Variants in PPA1 observed in about 807,000 individuals in gnomAD.
The protein encoded by PPA1 is inorganic pyrophosphatase.
In PPA1, 23 loss-of-function variants were observed where a neutral mutation model predicts 41.8. The observed-to-expected ratio is 0.55, with a 90% CI of 0.40 to 0.78. The LOEUF (loss-of-function observed/expected upper bound fraction) is 0.78. Among genes scored for constraint, PPA1 ranks in the 30% least tolerant of loss-of-function variants. PPA1 has a pLI of 0.00. For synonymous variants in PPA1, 101 were observed against 116.8 expected, an observed-to-expected ratio of 0.86 and a Z score of 0.87; for missense variants, 320 against 361.6, an observed-to-expected ratio of 0.89 and a Z score of 0.93.
intron 6 of PPA1, among the ~76,000 whole-genome samples, chr10:70,211,740 T>C (rs1840022358): frequency 1.3e-5 from 2 of 151,652 alleles, no homozygotes; most frequent in African/African-American, 4.9e-5. Context: ...GCTGACAGAG[T>C]GATGGGCTTG....
intron 1 of PPA1, among the ~76,000 whole-genome samples, chr10:70,232,081 G>A (rs553515516): frequency 2.6e-5 from 4 of 152,158 alleles, no homozygotes; most frequent in Non-Finnish European, 4.4e-5. Context: ...AATGGAGAGT[G>A]GGGGGTAGTT....
At chr10:70,206,795 G>T (rs1839945207) in intron 8 of PPA1, among the ~76,000 whole-genome samples, 1 of 147,408 alleles carries the variant, frequency 6.8e-6, no homozygotes, top group African/African-American at 2.5e-5. Context: ...AGTCAGCTGA[G>T]ATCGCGCCAC....
At chr10:70,210,920 C>T (rs1006737096) in intron 6 of PPA1, among the ~76,000 whole-genome samples, 2 of 152,084 alleles carry the variant, frequency 1.3e-5, no homozygotes, top group Non-Finnish European at 2.9e-5. Context: ...TGCCCACCAC[C>T]ATGCCTGGCT....
intron 8 of PPA1, among the ~76,000 whole-genome samples, chr10:70,208,019 G>A (rs994492044): frequency 7.2e-5 from 11 of 152,032 alleles, no homozygotes; most frequent in Admixed American, 1.3e-4. Flanking sequence ...GCAAAACCCC[G>A]TCTCTACTAA....
intron 3 of PPA1, 166 bp downstream of exon 3, chr10:70,218,596 GGA>G (rs1840103395): frequency 8.5e-6 from 5 of 585,688 alleles, no homozygotes; most frequent in Non-Finnish European, 1.5e-5. Context: ...GAGTTTAGCT[GGA>G]GCCCAAAGGG....
At chr10:70,215,714 C>A (rs1840072402) in intron 4 of PPA1, among the ~76,000 whole-genome samples, 1 of 152,242 alleles carries the variant, frequency 6.6e-6, no homozygotes, top group Non-Finnish European at 1.5e-5. Flanking sequence ...CTCCTGACCT[C>A]AGGTGATCCT....
chr10:70,210,552 G>T, intron 6 of PPA1: 1 of 735,418 alleles, frequency 1.4e-6, no homozygotes, highest in South Asian at 2.1e-5. Context: ...AAAGTGCACT[G>T]CTTTAAAAAT....
At chr10:70,230,294 A>G (rs199636395) in intron 2 of PPA1, 47 bp downstream of exon 2, 1 of 1,590,502 alleles carries the variant, frequency 6.3e-7, no homozygotes, top group Non-Finnish European at 8.6e-7. Context: ...ATGTAGAACT[A>G]GCTGATCTGA....
At chr10:70,220,210 G>T (rs1245273857) in intron 2 of PPA1, among the ~76,000 whole-genome samples, 1 of 148,948 alleles carries the variant, frequency 6.7e-6, no homozygotes, top group Non-Finnish European at 1.5e-5. Flanking sequence ...GATTACAGGT[G>T]TAAGCCACCG....
At chr10:70,208,689 CTG>C (rs1001960713) in intron 8 of PPA1, among the ~76,000 whole-genome samples, 1 of 151,896 alleles carries the variant, frequency 6.6e-6, no homozygotes, top group African/African-American at 2.4e-5. Flanking sequence ...CATTTTTCTT[CTG>C]TTTGTTGGAA....
At chr10:70,221,450 T>G (rs565054233) in intron 2 of PPA1, among the ~76,000 whole-genome samples, 1 of 151,848 alleles carries the variant, frequency 6.6e-6, no homozygotes, top group East Asian at 1.9e-4. Context: ...AATGGAGATA[T>G]TACTTAAATC....
intron 4 of PPA1, among the ~76,000 whole-genome samples, chr10:70,216,519 A>C (rs1400949039): frequency 1.3e-5 from 2 of 151,930 alleles, no homozygotes; most frequent in African/African-American, 4.8e-5. Context: ...TTAAAGTATA[A>C]GGTGAAACAC....
chr10:70,233,306 C>T lies in PPA1; in HGVS notation c.22G>A (p.Glu8Lys). MSGFSTE[E>K]RAAPFSLEYR... Reference sequence around the variant, plus strand: ...TCCAGGGAGAAGGGCGCGGCGCGCTCCTCGGTGCTGAAGCCGCTCATAGTG... The same window carrying T: ...TCCAGGGAGAAGGGCGCGGCGCGCTTCTCGGTGCTGAAGCCGCTCATAGTG... The change falls in exon 1 of 11, where the codon GAG becomes AAG. Residue 8 changes from glutamate to lysine, a missense_variant. By Grantham distance (56) the Glu-to-Lys change is moderately conservative (BLOSUM62 1). Transcript: ENST00000373232. The T allele has an allele frequency of 1.3e-6, 2 of 1,541,732 alleles. No individual in the cohort carries two copies. The highest frequency in any genetic ancestry group is 1.7e-6 in the Non-Finnish European group (2 of 1,144,324).
In PPA1 at chr10:70,218,795, T is replaced by C; in HGVS notation, c.146A>G (p.Glu49Gly). ...TTTTGCATTAGACCAGCGTGGTACT[T>C]CAACTACCATGTGAAACACATCCTG... ...ADKDVFHMVVEVPRWSNAKME... is the reference protein window; with the variant it reads ...ADKDVFHMVVGVPRWSNAKME... The change falls in exon 3 of 11, where the codon GAA becomes GGA. Residue 49 changes from glutamate to glycine, a missense_variant. By Grantham distance (98) the Glu-to-Gly change is moderately conservative. Transcript: ENST00000373232. 6.2e-7 allele frequency: 1 copy of C among 1,612,574 alleles called. No individual in the cohort carries two copies. Among genetic ancestry groups the C allele is most frequent in the Non-Finnish European group, 8.5e-7 (1 of 1,178,766 alleles).
At chr10:70,214,466 C>T (rs1488530065) in intron 5 of PPA1, 34 bp downstream of exon 5, 12 of 1,557,544 alleles carry the variant, frequency 7.7e-6, no homozygotes, top group Non-Finnish European at 1.1e-5. Flanking sequence ...ATTAATATCT[C>T]AACACTAAAG....
chr10:70,205,715 C>T (rs1267714862), intron 9 of PPA1: 2 of 152,002 alleles, frequency 1.3e-5, no homozygotes, highest in Non-Finnish European at 2.9e-5. Flanking sequence ...TTTTGTTTTC[C>T]TTATTTAATA....
intron 2 of PPA1, among the ~76,000 whole-genome samples, chr10:70,225,465 T>C (rs1039363281): frequency 6.6e-6 from 1 of 152,032 alleles, no homozygotes; most frequent in Non-Finnish European, 1.5e-5. Context: ...TTCGTCCACC[T>C]AGGCTGCCCA....
chr10:70,221,536 T>C (rs1426157867), intron 2 of PPA1, among the ~76,000 whole-genome samples: 1 of 152,210 alleles, frequency 6.6e-6, no homozygotes, highest in African/African-American at 2.4e-5. Context: ...ACACTAATTA[T>C]TAATCCTGGG....
chr10:70,209,764 T>C (rs1175298222), intron 6 of PPA1, 79 bp from the exon 7 acceptor site: 2 of 1,450,868 alleles, frequency 1.4e-6, no homozygotes, highest in Non-Finnish European at 1.9e-6. Flanking sequence ...GATTTCAAGA[T>C]GCACAAATAA....
Sources: allele counts gnomAD v4.1 joint callset (sites outside exome capture counted in the v4.1 genomes callset), GRCh38; gene constraint gnomAD v4.1.1; transcripts MANE v1.5; gene names NCBI Gene and HGNC (gene_info 2026-07-23, HGNC 2026-07-21).